GLIS3: variants seen among roughly 807,000 people sequenced by gnomAD.
The protein encoded by GLIS3 is GLIS family zinc finger 3, also known as zinc finger protein GLIS3.
In GLIS3, 53 loss-of-function variants were observed where a neutral mutation model predicts 78.6. That is an observed-to-expected ratio of 0.67 (90% CI 0.54 to 0.85). The LOEUF is 0.85. GLIS3 is among the 40% of genes least tolerant of loss of function. The pLI, the probability that GLIS3 is intolerant of heterozygous loss-of-function variation, is 0.00. For synonymous variants in GLIS3, 684 were observed against 509.9 expected (o/e 1.34, Z -4.60); for missense variants, 1,703 against 1,231.1 (o/e 1.38, Z -5.74).
chr9:4,214,447 T>G (rs1820646360), intron 2 of GLIS3, among the ~76,000 whole-genome samples: 1 of 152,236 alleles, frequency 6.6e-6, no homozygotes, highest in Admixed American at 6.5e-5. Context: ...CTGTGTGCGG[T>G]AACATTCACC....
intron 2 of GLIS3, among the ~76,000 whole-genome samples, chr9:4,317,627 G>C (rs1226081623): frequency 5.3e-5 from 8 of 152,172 alleles, no homozygotes; most frequent in South Asian, 2.1e-4. Flanking sequence ...ATTTTCATTA[G>C]TCATAGATTC....
At chr9:3,988,798 C>T (rs1034552616) in intron 4 of GLIS3, among the ~76,000 whole-genome samples, 3 of 151,862 alleles carry the variant, frequency 2.0e-5, no homozygotes, top group Admixed American at 6.6e-5. Context: ...AGAAACAGCA[C>T]CATACAACTT....
intron 4 of GLIS3, among the ~76,000 whole-genome samples, chr9:4,034,217 G>C (rs1824121090): frequency 6.6e-6 from 1 of 151,842 alleles, no homozygotes; most frequent in Non-Finnish European, 1.5e-5. Context: ...GTAGCACCTT[G>C]TCTCAAAAAA....
At chr9:4,408,443 A>C in the GLIS3 span, among the ~76,000 whole-genome samples, 2 of 151,636 alleles carry the variant, frequency 1.3e-5, no homozygotes, top group Admixed American at 6.6e-5. Flanking sequence ...AAAAAAAAAA[A>C]AATAGGCCGG....
At chr9:4,434,897 AAAG>A in the GLIS3 span, among the ~76,000 whole-genome samples, 3 of 152,226 alleles carry the variant, frequency 2.0e-5, no homozygotes, top group Non-Finnish European at 4.4e-5. Context: ...AGAGAAATTC[AAAG>A]AAGATGTGAT....
chr9:4,035,444 C>T (rs1318422707), intron 4 of GLIS3, among the ~76,000 whole-genome samples: 1 of 151,376 alleles, frequency 6.6e-6, no homozygotes, highest in African/African-American at 2.4e-5. Flanking sequence ...ATCTCGTATT[C>T]CACCTTCTAT....
the GLIS3 span, among the ~76,000 whole-genome samples, chr9:4,473,627 C>G: frequency 6.6e-6 from 1 of 152,076 alleles, no homozygotes; most frequent in East Asian, 1.9e-4. Context: ...ACAGCACACA[C>G]TGGGGCTTAT....
chr9:4,169,950 A>G lies in GLIS3; in HGVS notation c.389-44009T>C, dbSNP rs531015493. ...CAAATGTCGCTTCAATTTCTCTTAG[A>G]CACAAGCGTCCTCACATCAAAATGA... On this transcript the variant is annotated intron_variant, in intron 2 of 10. Coordinates refer to ENST00000381971, the MANE Select transcript of GLIS3 (RefSeq NM_001042413.2). Among the ~76,000 whole-genome samples the G allele has an allele frequency of 3.3e-5, 5 of 152,332 alleles. No homozygotes were observed. In the South Asian group the frequency reaches 1.0e-3, roughly 32 times the overall value.
intron 2 of GLIS3, among the ~76,000 whole-genome samples, chr9:4,342,086 G>C (rs578186043): frequency 5.1e-4 from 78 of 152,302 alleles, no homozygotes; most frequent in South Asian, 1.2e-3. Context: ...TTGCTGTGCA[G>C]AGGCTCTTTA....
chr9:4,488,474 G>T, the GLIS3 span, among the ~76,000 whole-genome samples: 1 of 151,782 alleles, frequency 6.6e-6, no homozygotes, highest in Non-Finnish European at 1.5e-5. Context: ...GTTTTTTCCA[G>T]CTGTTTTTTT....
At chr9:4,294,393 C>A (rs568708412) in intron 1 of GLIS3, among the ~76,000 whole-genome samples, 1 of 152,158 alleles carries the variant, frequency 6.6e-6, no homozygotes, top group East Asian at 1.9e-4. Flanking sequence ...CCTGTAATCC[C>A]AACTACTTGG....
chr9:4,194,144 A>G (rs965508494), intron 2 of GLIS3, among the ~76,000 whole-genome samples: 1 of 151,526 alleles, frequency 6.6e-6, no homozygotes, highest in Non-Finnish European at 1.5e-5. Context: ...TGCAACCTCC[A>G]CCTCCTGGGT....
the GLIS3 span, among the ~76,000 whole-genome samples, chr9:4,422,908 G>A: frequency 9.9e-5 from 15 of 152,264 alleles, no homozygotes; most frequent in East Asian, 2.3e-3. Flanking sequence ...TTGAACCCCA[G>A]GACCCAGACT....
intron 6 of GLIS3, among the ~76,000 whole-genome samples, chr9:3,911,336 T>C (rs1227105474): frequency 6.6e-6 from 1 of 152,222 alleles, no homozygotes; most frequent in Non-Finnish European, 1.5e-5. Context: ...CTGATGGCTC[T>C]TTATCCTGGG....
chr9:3,993,807 T>A, intron 4 of GLIS3, among the ~76,000 whole-genome samples: 1 of 152,262 alleles, frequency 6.6e-6, no homozygotes, highest in South Asian at 2.1e-4. Flanking sequence ...TGGCCTACTG[T>A]TGTATTACTG....
the GLIS3 span, among the ~76,000 whole-genome samples, chr9:4,377,845 C>T: frequency 1.3e-5 from 2 of 152,100 alleles, no homozygotes; most frequent in South Asian, 2.1e-4. Flanking sequence ...AAAAAACAGT[C>T]GTGATCTCTA....
At position 4,117,868 on chromosome 9, in the gene GLIS3, A is replaced by T; in HGVS notation, c.1610T>A (p.Phe537Tyr). 1 of 1,614,100 alleles carries T rather than the reference A, an allele frequency of 6.2e-7. No individual in the cohort carries two copies. Among genetic ancestry groups the T allele is most frequent in the East Asian group, 2.2e-5 (1 of 44,848 alleles). ...DQRKGEDFTC[F>Y]WAGCPRRYKP... ...GTATCTTCGAGGGCAACCGGCCCAG[A>T]AGCAAGTGAAGTCCTCCCCTTTGCG... is the stretch of plus-strand genomic sequence containing the variant. The change falls in exon 4 of 11, where the codon TTC becomes TAC. Residue 537 changes from phenylalanine (F) to tyrosine (Y), a missense_variant. Phe to Tyr is a conservative substitution (Grantham distance 22, BLOSUM62 3). Transcript: ENST00000381971.
intron 2 of GLIS3, among the ~76,000 whole-genome samples, chr9:4,171,521 A>G (rs1039115726): frequency 4.6e-5 from 7 of 152,222 alleles, no homozygotes; most frequent in African/African-American, 1.4e-4. Context: ...AATCAGATGC[A>G]GACTTCAAAA....
chr9:3,935,083 T>C (rs1200859353), intron 5 of GLIS3, among the ~76,000 whole-genome samples: 7 of 152,176 alleles, frequency 4.6e-5, no homozygotes, highest in Non-Finnish European at 8.8e-5. Flanking sequence ...ATCCACTTAG[T>C]TGAAGAAAGA....
Sources: gnomAD v4.1 joint callset for allele counts (sites outside exome capture counted in the v4.1 genomes callset) on GRCh38, gnomAD v4.1.1 for gene constraint, MANE v1.5 for transcripts, NCBI Gene and HGNC (gene_info 2026-07-23, HGNC 2026-07-21) for gene names.